SHANK2: variants seen among roughly 807,000 people sequenced by gnomAD.
SHANK2 encodes SH3 and multiple ankyrin repeat domains protein 2.
A neutral mutation model predicts 133.7 loss-of-function variants in SHANK2; 43 were observed. The ratio of observed to expected loss-of-function variants is 0.32; its 90% confidence interval spans 0.25 to 0.41. The LOEUF is 0.41. Among genes scored for constraint, SHANK2 ranks in the 10% least tolerant of loss-of-function variants. SHANK2 has a pLI of 1.00. For missense variants in SHANK2, 1,994 were observed against 2,235.8 expected (o/e 0.89, Z 2.18); for synonymous variants, 1,017 against 952.8 (o/e 1.07, Z -1.24).
At chr11:70,558,432 T>C (rs1473025195) in intron 17 of SHANK2, among the ~76,000 whole-genome samples, 1 of 152,242 alleles carries the variant, frequency 6.6e-6, no homozygotes, top group African/African-American at 2.4e-5. Flanking sequence ...AGAGCTGGCC[T>C]TCAAGACAGT....
At chr11:70,596,854 A>C (rs1247776593) in intron 17 of SHANK2, among the ~76,000 whole-genome samples, 2 of 152,190 alleles carry the variant, frequency 1.3e-5, no homozygotes, top group African/African-American at 2.4e-5. Context: ...AACAGAGGAC[A>C]GTGCGTCGGG....
At chr11:70,701,259 T>A (rs1555023570) in intron 14 of SHANK2, among the ~76,000 whole-genome samples, 1 of 152,170 alleles carries the variant, frequency 6.6e-6, no homozygotes, top group East Asian at 1.9e-4. Context: ...TGTCCCAGAC[T>A]GGAGTTTCAT....
chr11:70,560,047 T>A (rs782641423), intron 17 of SHANK2, among the ~76,000 whole-genome samples: 66 of 151,964 alleles, frequency 4.3e-4, no homozygotes, highest in Non-Finnish European at 8.2e-4. Flanking sequence ...AATTTTTGGA[T>A]TTTTAGTAGA....
chr11:70,558,701 G>C (rs1287171891), intron 17 of SHANK2, among the ~76,000 whole-genome samples: 1 of 151,980 alleles, frequency 6.6e-6, no homozygotes, highest in Non-Finnish European at 1.5e-5. Flanking sequence ...CTACACTTGG[G>C]CACTGGGTGA....
At chr11:70,555,331 G>T (rs1327891239) in intron 17 of SHANK2, among the ~76,000 whole-genome samples, 4 of 152,174 alleles carry the variant, frequency 2.6e-5, no homozygotes, top group African/African-American at 4.8e-5. Context: ...TCAAAAGCTA[G>T]AAACAATTAA....
At chr11:70,578,695 C>T (rs150444917) in intron 17 of SHANK2, among the ~76,000 whole-genome samples, 240 of 152,274 alleles carry the variant, frequency 1.6e-3, no homozygotes, top group South Asian at 3.3e-3. Context: ...TTGGTGTCAT[C>T]GAATCTGCTA....
intron 9 of SHANK2, among the ~76,000 whole-genome samples, chr11:71,064,749 C>T (rs1430393781): frequency 2.0e-5 from 3 of 151,902 alleles, no homozygotes; most frequent in African/African-American, 4.8e-5. Context: ...ATGAGAGGGA[C>T]GGTGAGAAAC....
chr11:70,776,223 G>A (rs1947362576), intron 14 of SHANK2, among the ~76,000 whole-genome samples: 2 of 152,200 alleles, frequency 1.3e-5, no homozygotes, highest in South Asian at 4.1e-4. Context: ...GAACACCCAA[G>A]AATCCAAGAC....
intron 14 of SHANK2, among the ~76,000 whole-genome samples, chr11:70,706,607 C>T (rs1945668549): frequency 6.6e-6 from 1 of 152,116 alleles, no homozygotes; most frequent in African/African-American, 2.4e-5. Flanking sequence ...CAACCCGACA[C>T]ATCCCTCTGG....
At chr11:70,769,860 C>T (rs1947209881) in intron 14 of SHANK2, among the ~76,000 whole-genome samples, 1 of 152,194 alleles carries the variant, frequency 6.6e-6, no homozygotes, top group South Asian at 2.1e-4. Context: ...TCATCTGCTA[C>T]TCAATGAGGT....
At chr11:70,817,040 C>A (rs1555054548) in intron 12 of SHANK2, among the ~76,000 whole-genome samples, 1 of 152,218 alleles carries the variant, frequency 6.6e-6, no homozygotes, top group Non-Finnish European at 1.5e-5. Flanking sequence ...CTTCTGCCCC[C>A]CGAATGCATA....
intron 11 of SHANK2, among the ~76,000 whole-genome samples, chr11:70,885,016 C>A (rs1432617940): frequency 1.3e-5 from 2 of 152,182 alleles, no homozygotes. Context: ...ACACTGCGCC[C>A]AGCCAGGGGT....
intron 14 of SHANK2, among the ~76,000 whole-genome samples, chr11:70,736,900 C>G (rs1251641616): frequency 6.6e-6 from 1 of 152,142 alleles, no homozygotes; most frequent in African/African-American, 2.4e-5. Flanking sequence ...AGGGACTGAA[C>G]GTGAAATGGG....
chr11:70,682,067 A>G (rs1945040451), intron 15 of SHANK2, among the ~76,000 whole-genome samples: 1 of 152,124 alleles, frequency 6.6e-6, no homozygotes, highest in Non-Finnish European at 1.5e-5. Flanking sequence ...GGCAGCCCAA[A>G]CCTGCTGGAG....
intron 13 of SHANK2, among the ~76,000 whole-genome samples, chr11:70,806,137 C>A (rs1555051772): frequency 6.6e-6 from 1 of 152,244 alleles, no homozygotes; most frequent in African/African-American, 2.4e-5. Flanking sequence ...GCCTACTGAC[C>A]TCTAAGGGCC....
intron 24 of SHANK2, among the ~76,000 whole-genome samples, chr11:70,488,202 G>T (rs1462463751): frequency 1.3e-5 from 2 of 152,212 alleles, no homozygotes; most frequent in Non-Finnish European, 2.9e-5. Flanking sequence ...AGGGCTCCTG[G>T]GGGTGTTTTT....
chr11:70,514,779 A>C (rs972886220), intron 17 of SHANK2, among the ~76,000 whole-genome samples: 1 of 152,234 alleles, frequency 6.6e-6, no homozygotes, highest in Non-Finnish European at 1.5e-5. Flanking sequence ...ATAGTTAAAT[A>C]ATCTAAAATA....
At chr11:71,057,283 G>A (rs895452766) in intron 9 of SHANK2, among the ~76,000 whole-genome samples, 100 of 152,174 alleles carry the variant, frequency 6.6e-4, no homozygotes, top group South Asian at 2.3e-3. Context: ...GCAGTGAGCC[G>A]AGATCGCACC....
intron 2 of SHANK2, among the ~76,000 whole-genome samples, chr11:71,180,863 C>T (rs782808592): frequency 3.7e-4 from 56 of 152,050 alleles, no homozygotes; most frequent in Non-Finnish European, 6.0e-4. Flanking sequence ...GTCAGACCAT[C>T]GGACAGTCCC....
Sources: allele counts gnomAD v4.1 joint callset (sites outside exome capture counted in the v4.1 genomes callset), GRCh38; gene constraint gnomAD v4.1.1; transcripts MANE v1.5; gene names NCBI Gene and HGNC (gene_info 2026-07-23, HGNC 2026-07-21).